Variants in ZNF680 observed in about 807,000 individuals in gnomAD.
ZNF680 encodes zinc finger protein 680, also known as hypothetical protein FLJ90430.
In ZNF680, 6 loss-of-function variants were observed where a neutral mutation model predicts 12.1. That is an observed-to-expected ratio of 0.49 (90% confidence interval 0.27 to 0.98). ZNF680 has a LOEUF of 0.98. Ranked by LOEUF, ZNF680 falls within the 50% of genes least tolerant of loss-of-function variation. The pLI, the probability that ZNF680 is intolerant of heterozygous loss-of-function variation, is 0.12. For missense variants in ZNF680, 561 were observed against 616.3 expected, an observed-to-expected ratio of 0.91 and a Z score of 0.95; for synonymous variants, 170 against 199.3, an observed-to-expected ratio of 0.85 and a Z score of 1.24.
chr7:64,546,508 G>A (rs903783966), intron 1 of ZNF680, among the ~76,000 whole-genome samples: 3 of 152,194 alleles, frequency 2.0e-5, no homozygotes, highest in East Asian at 1.9e-4. Flanking sequence ...CCGGGAGGCC[G>A]AGGCAGGTGG....
At chr7:64,561,757 A>G (rs1787748202) in intron 1 of ZNF680, among the ~76,000 whole-genome samples, 1 of 151,054 alleles carries the variant, frequency 6.6e-6, no homozygotes. Context: ...ACTTGGTGAA[A>G]CCCTGTCCCT....
In ZNF680 at chr7:64,521,487, G is replaced by C; in HGVS notation, c.1267C>G (p.Arg423Gly). Residue 423 changes from arginine (R) to glycine (G), a missense_variant, in exon 4 of 4, where the codon CGA (arginine) becomes GGA (glycine). By Grantham distance (125) the Arg-to-Gly change is moderately radical (BLOSUM62 -2). Coordinates refer to ENST00000309683, the MANE Select transcript of ZNF680 (RefSeq NM_178558.5). ...KAFNGCSSLT[R>G]HKRIHTRENT... ...TCTCTAGTGTGAATTCTCTTATGTC[G>C]AGTAAGGCTGGAGCACCCATTAAAA... 6.2e-7 allele frequency: 1 copy of C among 1,605,246 alleles called. No individual in the cohort carries two copies. Among genetic ancestry groups the C allele is most frequent in the Non-Finnish European group, 8.5e-7 (1 of 1,177,112 alleles).
intron 3 of ZNF680, chr7:64,525,834 A>G (rs1014685085): frequency 1.2e-5 from 12 of 984,658 alleles, no homozygotes; most frequent in Non-Finnish European, 1.4e-5. Flanking sequence ...CTTCTCACCT[A>G]GTCAAGATTA....
the ZNF680 span, among the ~76,000 whole-genome samples, chr7:64,501,987 G>A: frequency 6.8e-6 from 1 of 146,068 alleles, no homozygotes; most frequent in Non-Finnish European, 1.5e-5. Flanking sequence ...ACAATAAAAA[G>A]GACGTATTTC....
intron 1 of ZNF680, among the ~76,000 whole-genome samples, chr7:64,547,984 C>G (rs1338955644): frequency 6.6e-6 from 1 of 152,136 alleles, no homozygotes. Context: ...ACAGTGGGGT[C>G]AGACCTAAGT....
At chr7:64,529,189 G>A (rs1785727949) in intron 3 of ZNF680, among the ~76,000 whole-genome samples, 1 of 152,178 alleles carries the variant, frequency 6.6e-6, no homozygotes, top group Admixed American at 6.5e-5. Context: ...CCTTCCTTCT[G>A]ACAGAGCCTA....
At chr7:64,513,448 A>C in the ZNF680 span, among the ~76,000 whole-genome samples, 1 of 152,168 alleles carries the variant, frequency 6.6e-6, no homozygotes, top group Non-Finnish European at 1.5e-5. Context: ...ATTAAGCATT[A>C]AAATACAAAC....
intron 3 of ZNF680, among the ~76,000 whole-genome samples, chr7:64,535,329 A>G (rs1001414169): frequency 6.6e-6 from 1 of 150,980 alleles, no homozygotes; most frequent in Non-Finnish European, 1.5e-5. Flanking sequence ...TTATCACGCC[A>G]CTGCAAACCA....
At position 64,559,084 on chromosome 7, in the gene ZNF680, CA is replaced by C. The variant is rs11305990; in HGVS notation, c.30+3840del. 0.031 allele frequency among the ~76,000 whole-genome samples: 4,650 copies of C among 152,170 alleles called. 352 individuals carry two copies. In the East Asian group the frequency reaches 0.32, roughly 11 times the overall value. ...AAAGGGGTCGGAGAAGTCAATCATGCATTCCCCCTTCTCTCTCTCCCTCAGT... is the reference window on the plus strand; with the variant it reads ...AAAGGGGTCGGAGAAGTCAATCATGCTTCCCCCTTCTCTCTCTCCCTCAGT... On this transcript the variant is annotated intron_variant, in intron 1 of 3. Transcript: ENST00000309683.
the ZNF680 span, chr7:64,500,724 T>C: frequency 3.8e-6 from 1 of 261,068 alleles, no homozygotes; most frequent in Non-Finnish European, 7.9e-6. Context: ...CGAGCAGCAG[T>C]TGGCTTCTCC....
Position 64,520,107 on chromosome 7 carries a change from C to T in ZNF680, c.*1054G>A, listed in dbSNP as rs1791450812. 1 of 151,528 alleles carries T rather than the reference C, an allele frequency of 6.6e-6. No homozygotes were observed. Among genetic ancestry groups the T allele is most frequent in the South Asian group, 2.1e-4 (1 of 4,812 alleles). 9.4% of individuals were successfully genotyped at this position (151,528 alleles called of 1,614,324 possible). On this transcript the variant is annotated 3_prime_UTR_variant, in exon 4 of 4. Transcript: ENST00000309683. ...CAATATGAAAAGTAAACTAACAGGGCCTCTCCACTTAGATTTTCATCATAA... is the reference window on the plus strand; with the variant it reads ...CAATATGAAAAGTAAACTAACAGGGTCTCTCCACTTAGATTTTCATCATAA...
At chr7:64,543,027 G>A (rs774647140) in intron 3 of ZNF680, among the ~76,000 whole-genome samples, 3 of 151,144 alleles carry the variant, frequency 2.0e-5, no homozygotes, top group Admixed American at 2.0e-4. Flanking sequence ...AGTATTTTAT[G>A]TCTATGGATT....
chr7:64,549,593 T>C (rs1050888369), intron 1 of ZNF680, among the ~76,000 whole-genome samples: 1 of 152,064 alleles, frequency 6.6e-6, no homozygotes, highest in Non-Finnish European at 1.5e-5. Context: ...TCTGCATTCT[T>C]GGGTGTTACA....
intron 1 of ZNF680, among the ~76,000 whole-genome samples, chr7:64,555,845 C>T (rs1379309879): frequency 6.6e-6 from 1 of 151,608 alleles, no homozygotes; most frequent in Non-Finnish European, 1.5e-5. Context: ...CACAGAAATA[C>T]AAATAACTAT....
rs10243954 is a variant in ZNF680, at chr7:64,521,185, A to T, written c.1569T>A (p.Cys523Ter). The T allele has an allele frequency of 6.2e-7, 1 of 1,607,266 alleles. No homozygotes were observed. Among genetic ancestry groups the T allele is most frequent in the Non-Finnish European group, 8.5e-7 (1 of 1,177,226 alleles). ...TTTAGGTGTTATCAAAATTATTGTC[A>T]CATTTTTCAGGTTTGTAGAGTTTCT... is the stretch of plus-strand genomic sequence containing the variant. ...TGEKLYKPEK[C>*]DNNFDNT is the part of the protein sequence containing the mutation. The change falls in exon 4 of 4, where the codon TGT becomes TGA. Residue 523 changes from cysteine (C) to a stop codon, truncating the protein, a stop_gained. Transcript: ENST00000309683. LOFTEE classifies it high-confidence loss of function.
Position 64,522,173 on chromosome 7 carries a change from A to G in ZNF680, c.581T>C (p.Leu194Pro), listed in dbSNP as rs1443014358. 1 of 1,613,072 alleles carries G rather than the reference A, an allele frequency of 6.2e-7. No homozygotes were observed. The highest frequency in any genetic ancestry group is 8.5e-7 in the Non-Finnish European group (1 of 1,179,432). ...TCTTATATGTTGTGTTAGATGTGAA[A>G]GCATGCAAAATGATTTGCCACATTC... is the stretch of plus-strand genomic sequence containing the variant. ...CKECGKSFCM[L>P]SHLTQHIRIH... The change falls in exon 4 of 4, where the codon CTT becomes CCT. Residue 194 changes from leucine (L) to proline (P), a missense_variant. Physicochemically the swap from Leu to Pro is moderately conservative, Grantham distance 98. Transcript: ENST00000309683.
intron 1 of ZNF680, among the ~76,000 whole-genome samples, chr7:64,556,259 T>TAAA (rs58056053): frequency 9.0e-5 from 8 of 88,480 alleles, no homozygotes; most frequent in Admixed American, 2.4e-4. Context: ...TTCACGGAAC[T>TAAA]AAAAAAAAAA....
At chr7:64,561,922 A>G (rs10267110) in intron 1 of ZNF680, among the ~76,000 whole-genome samples, 37,258 of 124,170 alleles carry the variant, frequency 0.3, 5,425 homozygotes, top group East Asian at 0.46. Flanking sequence ...GCGACAGAGC[A>G]AGACTCCGTC....
At chr7:64,522,547 T>C (rs1429023022) in intron 3 of ZNF680, 47 bp from the exon 4 acceptor site, 3 of 1,295,684 alleles carry the variant, frequency 2.3e-6, no homozygotes, top group Non-Finnish European at 3.0e-6. Flanking sequence ...TAGACTCAGA[T>C]GAATATATTT....
Sources: gnomAD v4.1 joint callset for allele counts (sites outside exome capture counted in the v4.1 genomes callset) on GRCh38, gnomAD v4.1.1 for gene constraint, MANE v1.5 for transcripts, NCBI Gene and HGNC (gene_info 2026-07-23, HGNC 2026-07-21) for gene names.